TMEM74: variants seen among roughly 807,000 people sequenced by gnomAD.
The protein encoded by TMEM74 is transmembrane protein 74.
Under a neutral mutation model 18.1 loss-of-function variants are expected in TMEM74, and 13 were observed. That is an observed-to-expected ratio of 0.72 (90% CI 0.47 to 1.14). The LOEUF (loss-of-function observed/expected upper bound fraction) is 1.14. Among genes scored for constraint, TMEM74 ranks in the 50% most tolerant of loss-of-function variants. The pLI is 0.00. For missense variants in TMEM74, 372 were observed against 375.9 expected (o/e 0.99, Z 0.09); for synonymous variants, 159 against 146.6 (o/e 1.08, Z -0.61).
intron 1 of TMEM74, among the ~76,000 whole-genome samples, chr8:108,735,845 C>T (rs554717958): frequency 3.3e-5 from 5 of 152,238 alleles, no homozygotes; most frequent in African/African-American, 2.4e-5. Flanking sequence ...CCTCCCTGTA[C>T]ACCTACTCTT....
At chr8:108,772,119 T>A (rs1814179956) in intron 1 of TMEM74, among the ~76,000 whole-genome samples, 1 of 152,230 alleles carries the variant, frequency 6.6e-6, no homozygotes, top group Non-Finnish European at 1.5e-5. Flanking sequence ...TATTAGCTAC[T>A]GTAAACTAGT....
chr8:108,754,867 A>G (rs1355987592), intron 1 of TMEM74, among the ~76,000 whole-genome samples: 1 of 151,882 alleles, frequency 6.6e-6, no homozygotes, highest in Non-Finnish European at 1.5e-5. Flanking sequence ...GCAGAAAAAG[A>G]TGGATGTCCC....
intron 1 of TMEM74, among the ~76,000 whole-genome samples, chr8:108,731,883 T>C (rs747215971): frequency 7.2e-5 from 11 of 152,104 alleles, no homozygotes; most frequent in South Asian, 6.2e-4. Context: ...CCTGAGAATC[T>C]ACACCACATA....
At chr8:108,651,079 A>T (rs577563441) in intron 2 of TMEM74, among the ~76,000 whole-genome samples, 4 of 152,202 alleles carry the variant, frequency 2.6e-5, no homozygotes, top group African/African-American at 9.6e-5. Context: ...TCTCCCTTTT[A>T]TGTCTTAATC....
rs1192918047 is a variant in TMEM74 at position 108,668,504 on chromosome 8, C to T, written n.120-13067G>A. Among the ~76,000 whole-genome samples, 7 of 152,260 alleles carry T rather than the reference C, an allele frequency of 4.6e-5. No individual in the cohort carries two copies. The South Asian group carries it at 1.4e-3, about 32-fold the overall frequency. On this transcript the variant is annotated intron_variant and non_coding_transcript_variant, in intron 1 of 3. Transcript: ENST00000518838. ...ACCAGCTCTAACTCTGGTACTACTA[C>T]TACTATTGGTAATTCTGTGTCTACT...
intron 1 of TMEM74, among the ~76,000 whole-genome samples, chr8:108,662,272 G>A (rs147282205): frequency 3.3e-4 from 50 of 151,958 alleles, no homozygotes; most frequent in Middle Eastern, 3.4e-3. Context: ...GACAGAAATA[G>A]TGAGAGACAC....
downstream of TMEM74, among the ~76,000 whole-genome samples, chr8:108,777,916 A>G (rs915580523): frequency 1.3e-5 from 2 of 152,194 alleles, no homozygotes; most frequent in Non-Finnish European, 2.9e-5. Flanking sequence ...TGTTGGCTTA[A>G]TCTCCTTTTT....
At chr8:108,621,904 C>T (rs1162342506) in intron 2 of TMEM74, among the ~76,000 whole-genome samples, 1 of 152,100 alleles carries the variant, frequency 6.6e-6, no homozygotes, top group Non-Finnish European at 1.5e-5. Context: ...AAAATAAGCA[C>T]TCAAGCACTC....
chr8:108,652,892 T>C, intron 2 of TMEM74: 1 of 498,596 alleles, frequency 2.0e-6, no homozygotes, highest in Non-Finnish European at 4.0e-6. Context: ...CTCACTGGAT[T>C]CACAGTAGAC....
chr8:108,726,153 T>G lies in TMEM74; in HGVS notation n.119+61323A>C, dbSNP rs553666135. Among the ~76,000 whole-genome samples, 6 of 152,304 alleles carry G rather than the reference T, an allele frequency of 3.9e-5. No individual in the cohort carries two copies. In the East Asian group the frequency reaches 1.2e-3, roughly 29 times the overall value. On this transcript the variant is annotated intron_variant and non_coding_transcript_variant, in intron 1 of 3. Transcript: ENST00000518838. Reference sequence around the variant, plus strand: ...CCCTTTTCTGCTTAGTTTTCTTCATTCTTAAAATGGTAAGACTATATATCA... The same window carrying G: ...CCCTTTTCTGCTTAGTTTTCTTCATGCTTAAAATGGTAAGACTATATATCA...
chr8:108,637,733 A>G lies in TMEM74; in HGVS notation n.264+17560T>C, dbSNP rs573056193. On this transcript the variant is annotated intron_variant and non_coding_transcript_variant, in intron 2 of 3. Transcript: ENST00000518838. ...GGACTACTGACACCTTTACTTTAGT[A>G]CTTCTGACCTCTAGAAATGTAAAAG... Among the ~76,000 whole-genome samples the G allele has an allele frequency of 4.0e-4, 61 of 152,290 alleles. 1 individual carries two copies. Among genetic ancestry groups the G allele is most frequent in the African/African-American group, 1.4e-3 (60 of 41,582 alleles).
intron 1 of TMEM74, among the ~76,000 whole-genome samples, chr8:108,697,344 A>C (rs747700930): frequency 2.0e-5 from 3 of 152,204 alleles, no homozygotes; most frequent in Non-Finnish European, 4.4e-5. Context: ...TATGCTAGTT[A>C]TGTGGCTATT....
At chr8:108,767,108 T>G (rs554153338) in intron 1 of TMEM74, among the ~76,000 whole-genome samples, 4 of 152,266 alleles carry the variant, frequency 2.6e-5, no homozygotes, top group Admixed American at 2.0e-4. Flanking sequence ...GAATAATACT[T>G]TGCATCCTTC....
chr8:108,756,580 G>GAAAGAAAT (rs1180219696), intron 1 of TMEM74, among the ~76,000 whole-genome samples: 1 of 111,660 alleles, frequency 9.0e-6, no homozygotes, highest in African/African-American at 3.9e-5. Context: ...AAGAAAGAAA[G>GAAAGAAAT]AAAGAAAGAA....
intron 1 of TMEM74, among the ~76,000 whole-genome samples, chr8:108,691,987 G>A (rs1813237342): frequency 6.6e-6 from 1 of 152,128 alleles, no homozygotes; most frequent in African/African-American, 2.4e-5. Context: ...TTGAGTGAAT[G>A]TTCAAATAAT....
chr8:108,708,398 T>A (rs1455620726), intron 1 of TMEM74, among the ~76,000 whole-genome samples: 2 of 152,120 alleles, frequency 1.3e-5, no homozygotes, highest in East Asian at 3.9e-4. Flanking sequence ...TGGGTATATA[T>A]CCCATAATGG....
At chr8:108,750,432 T>G (rs1813892685) in intron 1 of TMEM74, among the ~76,000 whole-genome samples, 2 of 152,098 alleles carry the variant, frequency 1.3e-5, no homozygotes, top group Non-Finnish European at 2.9e-5. Context: ...TCCAGGTAGT[T>G]AGGCATGAAT....
At chr8:108,619,220 A>G (rs1812414471) in intron 2 of TMEM74, among the ~76,000 whole-genome samples, 1 of 152,240 alleles carries the variant, frequency 6.6e-6, no homozygotes, top group African/African-American at 2.4e-5. Flanking sequence ...AAGTATTAGA[A>G]AATAAAATAC....
intron 1 of TMEM74, among the ~76,000 whole-genome samples, chr8:108,667,325 A>T (rs1475214044): frequency 1.3e-5 from 2 of 152,168 alleles, no homozygotes; most frequent in Non-Finnish European, 2.9e-5. Flanking sequence ...GTCAAGATAG[A>T]ATATTATAGT....
Sources: gnomAD v4.1 joint callset for allele counts (sites outside exome capture counted in the v4.1 genomes callset) on GRCh38, gnomAD v4.1.1 for gene constraint, MANE v1.5 for transcripts, NCBI Gene and HGNC (gene_info 2026-07-23, HGNC 2026-07-21) for gene names.